SYT14: variants seen among roughly 807,000 people sequenced by gnomAD.
SYT14 encodes synaptotagmin 14.
Under a neutral mutation model 74.2 loss-of-function variants are expected in SYT14, and 32 were observed. The ratio of observed to expected loss-of-function variants is 0.43; its 90% confidence interval spans 0.33 to 0.58. The LOEUF (loss-of-function observed/expected upper bound fraction) is 0.58, where lower values mean the gene tolerates loss of function less well. Among genes scored for constraint, SYT14 ranks in the 20% least tolerant of loss-of-function variants. The pLI is 0.05. For synonymous variants in SYT14, 298 were observed against 337.7 expected (o/e 0.88, Z 1.29); for missense variants, 791 against 981.8 (o/e 0.81, Z 2.60).
intron 1 of SYT14, among the ~76,000 whole-genome samples, chr1:209,949,450 G>A (rs1409425130): frequency 6.6e-6 from 1 of 152,008 alleles, no homozygotes; most frequent in Admixed American, 6.6e-5. Context: ...GCATGTGCCT[G>A]TAGTCCCAGC....
At chr1:209,964,165 G>A (rs548804549) in intron 2 of SYT14, among the ~76,000 whole-genome samples, 4 of 152,238 alleles carry the variant, frequency 2.6e-5, no homozygotes, top group African/African-American at 9.6e-5. Flanking sequence ...TCGTGTTAGT[G>A]AGTGAGTTTT....
At chr1:210,090,144 A>G (rs1264324679) in intron 5 of SYT14, among the ~76,000 whole-genome samples, 3 of 152,184 alleles carry the variant, frequency 2.0e-5, no homozygotes, top group Non-Finnish European at 2.9e-5. Context: ...CACAGTGCAA[A>G]GGGAGTAGCC....
exon 10 of SYT14, chr1:210,165,595 TG>T (rs2102740154): frequency 6.6e-6 from 1 of 152,306 alleles, no homozygotes; most frequent in Admixed American, 6.5e-5. Context: ...CTCATATCAG[TG>T]GTGAGACAAA....
chr1:210,090,601 T>C (rs1166925082), intron 5 of SYT14, among the ~76,000 whole-genome samples: 1 of 152,198 alleles, frequency 6.6e-6, no homozygotes, highest in Non-Finnish European at 1.5e-5. Context: ...CTTATAGATA[T>C]ATCATTTATA....
chr1:210,036,956 G>A (rs531831828), intron 5 of SYT14, among the ~76,000 whole-genome samples: 5 of 152,016 alleles, frequency 3.3e-5, no homozygotes, highest in Non-Finnish European at 7.4e-5. Context: ...AGAATGAGTT[G>A]GGGAGGATTC....
chr1:210,130,455 T>G (rs536982421), intron 7 of SYT14, among the ~76,000 whole-genome samples: 1 of 152,342 alleles, frequency 6.6e-6, no homozygotes, highest in Non-Finnish European at 1.5e-5. Flanking sequence ...AAACAAAGTT[T>G]ATTGTGGCAT....
chr1:209,977,652 T>C (rs922030414), intron 2 of SYT14, among the ~76,000 whole-genome samples: 1 of 152,226 alleles, frequency 6.6e-6, no homozygotes, highest in African/African-American at 2.4e-5. Context: ...TTTCCTTAAT[T>C]GCAACTTTGA....
chr1:210,020,410 AT>A (rs1329589255), intron 4 of SYT14, among the ~76,000 whole-genome samples: 1 of 152,178 alleles, frequency 6.6e-6, no homozygotes, highest in Non-Finnish European at 1.5e-5. Flanking sequence ...GAATTGGTAA[AT>A]TCCTGGAAAT....
chr1:210,131,290 A>G (rs532386660), intron 7 of SYT14, among the ~76,000 whole-genome samples: 3 of 152,186 alleles, frequency 2.0e-5, no homozygotes, highest in South Asian at 4.1e-4. Flanking sequence ...GGAATTGACA[A>G]GTTGTTTTCA....
intron 7 of SYT14, among the ~76,000 whole-genome samples, chr1:210,108,267 G>A (rs1223789654): frequency 8.6e-5 from 10 of 115,966 alleles, no homozygotes; most frequent in Admixed American, 8.1e-4. Flanking sequence ...AGAAAAGAGA[G>A]GTAAAGTAGG....
intron 7 of SYT14, among the ~76,000 whole-genome samples, chr1:210,120,937 A>G (rs527626956): frequency 1.3e-5 from 2 of 152,282 alleles, no homozygotes; most frequent in East Asian, 3.9e-4. Context: ...ACTAGATAGG[A>G]GAAATCTGCC....
chr1:210,059,006 ACTTATATT>A (rs1472315973), intron 5 of SYT14, among the ~76,000 whole-genome samples: 4 of 152,166 alleles, frequency 2.6e-5, no homozygotes, highest in Non-Finnish European at 5.9e-5. Context: ...TAAGCCCTTT[ACTTATATT>A]AGTTCATTTA....
chr1:210,005,775 G>A (rs2079978407), intron 2 of SYT14, among the ~76,000 whole-genome samples: 1 of 151,784 alleles, frequency 6.6e-6, no homozygotes, highest in Non-Finnish European at 1.5e-5. Context: ...ATTAAGATTT[G>A]GTTTAAATAT....
intron 5 of SYT14, among the ~76,000 whole-genome samples, chr1:210,031,089 C>CTTTTTTTTTTTT (rs35900057): frequency 9.6e-6 from 1 of 104,336 alleles, no homozygotes; most frequent in Non-Finnish European, 1.9e-5. Flanking sequence ...CCATGCCTGT[C>CTTTTTTTTTTTT]TTTTTTTTTT....
intron 7 of SYT14, among the ~76,000 whole-genome samples, chr1:210,126,906 C>G (rs1460455131): frequency 6.6e-6 from 1 of 152,122 alleles, no homozygotes; most frequent in Non-Finnish European, 1.5e-5. Flanking sequence ...TTTCATAGCT[C>G]TGATCAATTT....
At chr1:210,059,451 T>TAGAGAGAGAGAGAGAGAGAGAG (rs1553272603) in intron 5 of SYT14, among the ~76,000 whole-genome samples, 2 of 69,892 alleles carry the variant, frequency 2.9e-5, no homozygotes, top group Non-Finnish European at 2.4e-5. Flanking sequence ...TATATATATA[T>TAGAGAGAGAGAGAGAGAGAGAG]AGAGAGAGAG....
chr1:209,952,669 C>T (rs773092874), intron 1 of SYT14, 40 bp from the exon 2 acceptor site: 2 of 1,526,286 alleles, frequency 1.3e-6, no homozygotes, highest in Non-Finnish European at 1.8e-6. Flanking sequence ...ATTCATGCTA[C>T]TTTCTATGTT....
At chr1:210,013,643 G>A (rs1198932365) in exon 3 of SYT14, 16 of 1,612,848 alleles carry the variant, frequency 9.9e-6, no homozygotes, top group African/African-American at 1.3e-5. Flanking sequence ...TATCTCCAGA[G>A]GCAGTTGGAT....
intron 5 of SYT14, among the ~76,000 whole-genome samples, chr1:210,060,850 A>G (rs1271258027): frequency 1.3e-5 from 2 of 151,920 alleles, no homozygotes; most frequent in African/African-American, 2.4e-5. Context: ...TTTTTCTGCT[A>G]TTTTCTTACA....
Sources: allele counts gnomAD v4.1 joint callset (sites outside exome capture counted in the v4.1 genomes callset), GRCh38; gene constraint gnomAD v4.1.1; transcripts MANE v1.5; gene names NCBI Gene and HGNC (gene_info 2026-07-23, HGNC 2026-07-21).